The following ACER1 variants were observed in gnomAD, a reference collection of about 807,000 sequenced individuals.
ACER1 encodes the protein alkaline ceramidase 1.
A neutral mutation model predicts 24.9 loss-of-function variants in ACER1; 28 were observed. The observed-to-expected ratio is 1.13, with a 90% CI of 0.83 to 1.54. The LOEUF is 1.54. Ranked by LOEUF, ACER1 falls within the 40% of genes most tolerant of loss-of-function variation. The pLI is 0.00. For synonymous variants in ACER1, 132 were observed against 131.4 expected (o/e 1.00, Z -0.03); for missense variants, 352 against 349.3 (o/e 1.01, Z -0.06).
At position 6,320,880 on chromosome 19, in the gene ACER1, C is replaced by T. The variant is rs150142633; in HGVS notation, c.94-8381G>A. ...ATTATTCAATGAAATGAATAAATACCTAATAAAATTAATGAATGTCACTTT... is the reference window on the plus strand; with the variant it reads ...ATTATTCAATGAAATGAATAAATACTTAATAAAATTAATGAATGTCACTTT... On this transcript the variant is annotated intron_variant, in intron 1 of 5. Coordinates refer to ENST00000301452, the MANE Select transcript of ACER1 (RefSeq NM_133492.3). Among the ~76,000 whole-genome samples, 339 of 152,020 alleles carry T rather than the reference C, an allele frequency of 2.2e-3. 5 individuals carry two copies. The highest frequency in any genetic ancestry group is 7.7e-4 in the East Asian group (4 of 5,176).
chr19:6,319,987 G>A (rs572274295), intron 1 of ACER1, among the ~76,000 whole-genome samples: 1 of 151,558 alleles, frequency 6.6e-6, no homozygotes, highest in Admixed American at 6.6e-5. Flanking sequence ...GTGGATGCCT[G>A]TAGTGCCAGC....
intron 1 of ACER1, among the ~76,000 whole-genome samples, chr19:6,321,667 G>T (rs2091631901): frequency 6.6e-6 from 1 of 151,888 alleles, no homozygotes; most frequent in Admixed American, 6.6e-5. Context: ...GGGGTTCAGT[G>T]CGCAATCTCA....
chr19:6,349,041 G>T, the ACER1 span, among the ~76,000 whole-genome samples: 1 of 151,186 alleles, frequency 6.6e-6, no homozygotes, highest in Admixed American at 6.7e-5. Context: ...GGGCAACAGA[G>T]CGAGACTCCA....
chr19:6,349,174 A>AAGAAGG, the ACER1 span, among the ~76,000 whole-genome samples: 1 of 149,150 alleles, frequency 6.7e-6, no homozygotes, highest in Non-Finnish European at 1.5e-5. Context: ...GAAGAAGAAG[A>AAGAAGG]AGGAGGAGGA....
intron 4 of ACER1, 147 bp downstream of exon 4, chr19:6,309,548 ACT>A (rs1043525487): frequency 2.9e-6 from 3 of 1,025,048 alleles, no homozygotes; most frequent in Non-Finnish European, 4.3e-6. Context: ...ATAAGGACAA[ACT>A]CTGCAGTCAG....
the ACER1 span, among the ~76,000 whole-genome samples, chr19:6,352,442 A>G: frequency 2.6e-5 from 4 of 152,200 alleles, no homozygotes; most frequent in Admixed American, 2.6e-4. Flanking sequence ...GGGGCTCCAG[A>G]TATGTGAGTG....
chr19:6,357,191 C>T, the ACER1 span, among the ~76,000 whole-genome samples: 9 of 152,104 alleles, frequency 5.9e-5, no homozygotes, highest in African/African-American at 1.9e-4. Context: ...GGACTACAGG[C>T]GCAGGCCACC....
In ACER1 at chr19:6,307,152, C is replaced by A; in HGVS notation, c.626+1G>T. The A allele has an allele frequency of 6.2e-7, 1 of 1,614,040 alleles. No homozygotes were observed. Among genetic ancestry groups the A allele is most frequent in the Non-Finnish European group, 8.5e-7 (1 of 1,180,026 alleles). ...CCCACAGCCTCAGAGCATGTGCTTA[C>A]CAGATGCTGTGCAGATAGAAGAAAT... On this transcript the variant is annotated splice_donor_variant, in intron 5 of 5. Transcript: ENST00000301452. LOFTEE classifies it high-confidence loss of function.
chr19:6,313,778 G>A (rs1287725351), intron 1 of ACER1, among the ~76,000 whole-genome samples: 1 of 152,178 alleles, frequency 6.6e-6, no homozygotes, highest in Non-Finnish European at 1.5e-5. Flanking sequence ...AAGGAACTGT[G>A]GCTTCCACCT....
chr19:6,312,494 G>A lies in ACER1; in HGVS notation c.99C>T (p.Ser33=), dbSNP rs777105066. The A allele has an allele frequency of 3.1e-6, 5 of 1,613,024 alleles. No homozygotes were observed. In the African/African-American group the frequency reaches 5.3e-5, roughly 17 times the overall value. ...GCCCGAAGATGAAGAAGGGGATATT[G>A]GAGAACTGGAGCAGAGAGAGCCATA... ...ELVAEFYNTF[S]NIPFFIFGPL... is the part of the protein sequence containing the mutation. Residue 33 remains serine, a synonymous_variant, in exon 2 of 6, where the codon TCC becomes TCT. Coordinates refer to ENST00000301452, the MANE Select transcript of ACER1 (RefSeq NM_133492.3).
At chr19:6,336,062 G>A (rs922290915), upstream of ACER1, among the ~76,000 whole-genome samples, 5 of 151,610 alleles carry the variant, frequency 3.3e-5, no homozygotes, top group South Asian at 4.2e-4. Context: ...CAGCATGCCC[G>A]GCTAATTTTT....
At chr19:6,350,920 A>C in the ACER1 span, among the ~76,000 whole-genome samples, 9,073 of 152,086 alleles carry the variant, frequency 0.06, 387 homozygotes, top group African/African-American at 0.12. Context: ...CCAATAGAGA[A>C]TTTGTGTGTC....
chr19:6,355,823 A>T, the ACER1 span, among the ~76,000 whole-genome samples: 1 of 145,444 alleles, frequency 6.9e-6, no homozygotes, highest in Non-Finnish European at 1.5e-5. Context: ...CCGCCCGGCC[A>T]GCCGCTCCAT....
the ACER1 span, among the ~76,000 whole-genome samples, chr19:6,347,967 C>G: frequency 6.7e-6 from 1 of 149,952 alleles, no homozygotes; most frequent in South Asian, 2.1e-4. Flanking sequence ...AGGTGGGGGG[C>G]GGATCACCTG....
chr19:6,319,728 T>C (rs975465748), intron 1 of ACER1, among the ~76,000 whole-genome samples: 2 of 151,998 alleles, frequency 1.3e-5, no homozygotes, highest in African/African-American at 2.4e-5. Flanking sequence ...GAGCTCTGTG[T>C]GTTTTGCCCC....
intron 4 of ACER1, 124 bp from the exon 5 acceptor site, chr19:6,307,414 G>A: frequency 4.4e-6 from 5 of 1,135,790 alleles, no homozygotes; most frequent in South Asian, 3.1e-5. Context: ...AGCAGGAATT[G>A]AGGGTGCAAG....
intron 1 of ACER1, among the ~76,000 whole-genome samples, chr19:6,323,342 C>T (rs759678064): frequency 1.3e-4 from 19 of 151,222 alleles, no homozygotes; most frequent in Non-Finnish European, 5.9e-5. Context: ...ATGGTGTGAA[C>T]CCTAGGGGGC....
chr19:6,326,675 C>G (rs978002490), intron 1 of ACER1, among the ~76,000 whole-genome samples: 33 of 152,014 alleles, frequency 2.2e-4, no homozygotes, highest in Non-Finnish European at 1.6e-4. Flanking sequence ...TCAAGCTAAC[C>G]ATGGGGCTGA....
upstream of ACER1, among the ~76,000 whole-genome samples, chr19:6,336,334 A>G (rs1178319670): frequency 1.3e-5 from 2 of 152,220 alleles, no homozygotes; most frequent in African/African-American, 4.8e-5. Flanking sequence ...ATCACTAGCA[A>G]GGAAACTAAA....
Sources: allele counts gnomAD v4.1 joint callset (sites outside exome capture counted in the v4.1 genomes callset), GRCh38; gene constraint gnomAD v4.1.1; transcripts MANE v1.5; gene names NCBI Gene and HGNC (gene_info 2026-07-23, HGNC 2026-07-21).